SNX18: variants seen among roughly 807,000 people sequenced by gnomAD.
SNX18 encodes the protein sorting nexin 18, also known as sorting nexin-18.
SNX18 carries 35 observed loss-of-function variants against 48.7 expected under a neutral mutation model. That is an observed-to-expected ratio of 0.72 (90% confidence interval 0.55 to 0.95). SNX18 has a LOEUF of 0.95. Among genes scored for constraint, SNX18 ranks in the 40% least tolerant of loss-of-function variants. SNX18 has a pLI of 0.00. For missense variants in SNX18, 824 were observed against 871.0 expected, an observed-to-expected ratio of 0.95 and a Z score of 0.68; for synonymous variants, 492 against 384.7, an observed-to-expected ratio of 1.28 and a Z score of -3.26.
the SNX18 span, among the ~76,000 whole-genome samples, chr5:54,624,987 T>C: frequency 6.6e-6 from 1 of 152,200 alleles, no homozygotes; most frequent in Admixed American, 6.5e-5. Flanking sequence ...TACATTTTTT[T>C]CCCTCCATGG....
rs778201349 is a variant in SNX18 at position 54,518,582 on chromosome 5, C to T, written c.630C>T (p.Val210=). The T allele has an allele frequency of 1.3e-6, 2 of 1,576,106 alleles. No individual in the cohort carries two copies. The highest frequency in any genetic ancestry group is 2.2e-5 in the East Asian group (1 of 44,478). Residue 210 remains valine, a synonymous_variant, in exon 1 of 2, where the codon GTC becomes GTT. Coordinates refer to ENST00000381410, the MANE Select transcript of SNX18 (RefSeq NM_001102575.2). ...CCCTGGGTTCCCGCGGCGGCTCGGT[C>T]CCCCCGCAGCACCACCCGTCGGGGC... ...DLSLGSRGGS[V]PPQHHPSGPK... is the part of the protein sequence containing the mutation.
rs1762519437 is a variant in SNX18, at chr5:54,543,943, T to G, written c.*511T>G. ...TCTCCCCGTCCCTTCCCCACCTTTT[T>G]AAAGTAAGCCACAGCTTTTCTGATT... On this transcript the variant is annotated 3_prime_UTR_variant, in exon 2 of 2. Coordinates refer to ENST00000381410, the MANE Select transcript of SNX18 (RefSeq NM_001102575.2). 2 of 140,538 alleles carry G rather than the reference T, an allele frequency of 1.4e-5. No homozygotes were observed. The highest frequency in any genetic ancestry group is 3.0e-5 in the Non-Finnish European group (2 of 66,802). The allele number at this position is 140,538 out of a possible 1,614,324, so 8.7% of individuals were successfully genotyped here.
chr5:54,596,417 C>T, the SNX18 span, among the ~76,000 whole-genome samples: 2 of 152,140 alleles, frequency 1.3e-5, no homozygotes, highest in African/African-American at 4.8e-5. Context: ...TTAAAAAGGC[C>T]TTCATCTACA....
the SNX18 span, among the ~76,000 whole-genome samples, chr5:54,637,565 G>T: frequency 6.6e-6 from 1 of 152,118 alleles, no homozygotes; most frequent in Admixed American, 6.5e-5. Flanking sequence ...CGCTAGAAAA[G>T]ATAATAAAAA....
chr5:54,641,413 G>A, the SNX18 span, among the ~76,000 whole-genome samples: 2 of 152,066 alleles, frequency 1.3e-5, no homozygotes, highest in South Asian at 4.1e-4. Context: ...ACAGAATTAT[G>A]TCTGGAATCT....
At chr5:54,642,301 C>G in the SNX18 span, among the ~76,000 whole-genome samples, 3 of 152,052 alleles carry the variant, frequency 2.0e-5, no homozygotes, top group Admixed American at 6.5e-5. Context: ...TGTATATTAT[C>G]TCAGTGCTCT....
chr5:54,617,295 C>A, the SNX18 span, among the ~76,000 whole-genome samples: 1 of 152,188 alleles, frequency 6.6e-6, no homozygotes, highest in African/African-American at 2.4e-5. Context: ...CAGAACAGAA[C>A]AGAATATTGA....
At chr5:54,569,698 T>A in the SNX18 span, among the ~76,000 whole-genome samples, 96 of 152,290 alleles carry the variant, frequency 6.3e-4, no homozygotes, top group Middle Eastern at 3.4e-3. Context: ...TACAACATGG[T>A]GGCCTCAGGA....
At chr5:54,529,412 A>G (rs970287399) in intron 1 of SNX18, among the ~76,000 whole-genome samples, 2 of 152,096 alleles carry the variant, frequency 1.3e-5, no homozygotes, top group Non-Finnish European at 2.9e-5. Context: ...GTATTTTTAA[A>G]TGATTCTGTG....
the SNX18 span, among the ~76,000 whole-genome samples, chr5:54,557,526 G>C: frequency 6.6e-6 from 1 of 152,182 alleles, no homozygotes; most frequent in Non-Finnish European, 1.5e-5. Context: ...ACCACAAAAA[G>C]ACAAATGTTG....
At chr5:54,614,516 A>G in the SNX18 span, among the ~76,000 whole-genome samples, 2 of 152,144 alleles carry the variant, frequency 1.3e-5, no homozygotes, top group African/African-American at 4.8e-5. Flanking sequence ...ATAATGAGAA[A>G]GATTTAAGGG....
the SNX18 span, among the ~76,000 whole-genome samples, chr5:54,595,032 G>C: frequency 3.2e-4 from 48 of 152,270 alleles, no homozygotes; most frequent in South Asian, 9.3e-3. Flanking sequence ...GTAGTATTCT[G>C]TGGTGTATAT....
the SNX18 span, among the ~76,000 whole-genome samples, chr5:54,588,399 C>T: frequency 1.4e-5 from 2 of 143,662 alleles, no homozygotes; most frequent in South Asian, 4.4e-4. Context: ...GTGATCTCAG[C>T]TCACTGCAAG....
At position 54,518,497 on chromosome 5, in the gene SNX18, C is replaced by G. The variant is rs772468818; in HGVS notation, c.545C>G (p.Ser182Trp). Residue 182 changes from serine to tryptophan, a missense_variant, in exon 1 of 2, where the codon TCG becomes TGG. This residue lies in a region of SNX18 where 377 missense variants were observed against 350.6 expected (regional missense o/e 1.08). Transcript: ENST00000381410. ...GGAGCATACCCGGACCTCGACGGCT[C>G]GTCTTCGGCGGGTGTGGGCGCAGCC... ...GSGAYPDLDG[S>W]SSAGVGAAGR... 5.1e-6 allele frequency: 8 copies of G among 1,569,008 alleles called. No individual in the cohort carries two copies. Among genetic ancestry groups the G allele is most frequent in the South Asian group, 1.1e-5 (1 of 87,256 alleles).
chr5:54,637,906 C>T, the SNX18 span, among the ~76,000 whole-genome samples: 1 of 152,182 alleles, frequency 6.6e-6, no homozygotes, highest in Non-Finnish European at 1.5e-5. Flanking sequence ...TAGGCTTTCG[C>T]CTTCACGCAG....
chr5:54,554,627 T>C, the SNX18 span, among the ~76,000 whole-genome samples: 336 of 152,366 alleles, frequency 2.2e-3, no homozygotes, highest in Non-Finnish European at 3.2e-3. Flanking sequence ...TTTTAGTCCA[T>C]AATCCATTTT....
chr5:54,641,707 T>C, the SNX18 span, among the ~76,000 whole-genome samples: 2 of 152,190 alleles, frequency 1.3e-5, no homozygotes, highest in African/African-American at 4.8e-5. Context: ...AGGGAAACTA[T>C]AGAGTCACAT....
chr5:54,596,305 C>T, the SNX18 span, among the ~76,000 whole-genome samples: 1 of 149,558 alleles, frequency 6.7e-6, no homozygotes, highest in Non-Finnish European at 1.5e-5. Context: ...CGTCTGAGGG[C>T]CAGCACTATA....
intron 1 of SNX18, among the ~76,000 whole-genome samples, chr5:54,523,602 A>C (rs1283338762): frequency 1.3e-5 from 2 of 152,170 alleles, no homozygotes; most frequent in East Asian, 3.8e-4. Context: ...CTAGATAAGT[A>C]AATAGGCAGT....
Sources: gnomAD v4.1 joint callset for allele counts (sites outside exome capture counted in the v4.1 genomes callset) on GRCh38, gnomAD v4.1.1 for gene constraint, gnomAD v4.1.1 regional missense constraint, MANE v1.5 for transcripts, NCBI Gene and HGNC (gene_info 2026-07-23, HGNC 2026-07-21) for gene names.